Variants in HOXB2 observed in about 807,000 individuals in gnomAD.
The protein encoded by HOXB2 is homeobox B2, also known as homeobox protein Hox-B2.
Under a neutral mutation model 13.1 loss-of-function variants are expected in HOXB2, and 14 were observed. That is an observed-to-expected ratio of 1.07 (90% confidence interval 0.71 to 1.67). HOXB2 has a LOEUF of 1.67. Ranked by LOEUF, HOXB2 falls within the 40% of genes most tolerant of loss-of-function variation. The pLI is 0.00. For synonymous variants in HOXB2, 261 were observed against 233.1 expected (o/e 1.12, Z -1.09); for missense variants, 582 against 488.3 (o/e 1.19, Z -1.81).
rs1023585957 is a variant in HOXB2 at position 48,543,287 on chromosome 17, C to T, written c.852G>A (p.Gly284=). 6.2e-7 allele frequency: 1 copy of T among 1,602,674 alleles called. No individual in the cohort carries two copies. Among genetic ancestry groups the T allele is most frequent in the Non-Finnish European group, 8.5e-7 (1 of 1,178,178 alleles). Residue 284 remains glycine, a synonymous_variant, in exon 2 of 2, where the codon GGG becomes GGA. Coordinates refer to ENST00000330070, the MANE Select transcript of HOXB2 (RefSeq NM_002145.4). ...SPGCALRGAG[G]LEPGPLPEDV... ...CTTCTGGCAATGGCCCGGGCTCCAG[C>T]CCGCCGGCCCCGCGCAGCGCGCAGC... is the stretch of plus-strand genomic sequence containing the variant.
Position 48,544,916 on chromosome 17 carries a change from T to C in HOXB2, c.-5A>G, listed in dbSNP as rs1268172314. 7.2e-7 allele frequency: 1 copy of C among 1,380,502 alleles called. No individual in the cohort carries two copies. The highest frequency in any genetic ancestry group is 1.8e-5 in the Admixed American group (1 of 54,544). The allele number at this position is 1,380,502 out of a possible 1,614,324, so 85.5% of individuals were successfully genotyped here. A position where few individuals can be genotyped will look rare whatever the true frequency, so the allele number is the denominator to read the frequency against. On this transcript the variant is annotated 5_prime_UTR_variant, in exon 1 of 2. Transcript: ENST00000330070. The stretch of plus-strand genomic sequence containing the variant: ...CCTCTCAAATTCAAAATTCATGGCT[T>C]TCAATGGTGGGGGAGGGGGCTGCTG...
chr17:48,543,129 GAA>G lies in HOXB2; in HGVS notation c.1008_1009del (p.Ser337ArgfsTer63). On this transcript the variant is annotated frameshift_variant, in exon 2 of 2. Transcript: ENST00000330070. LOFTEE classifies it high-confidence loss of function. The stretch of plus-strand genomic sequence containing the variant: ...GGTGAAAAAATCCAGCTCTTCCTCG[GAA>G]AAAGGGACCGGGCTGTCGAGAGAAC... 1 of 1,613,102 alleles carries G rather than the reference GAA, an allele frequency of 6.2e-7. No homozygotes were observed. The highest frequency in any genetic ancestry group is 8.5e-7 in the Non-Finnish European group (1 of 1,179,756).
At chr17:48,544,121 T>C in intron 1 of HOXB2, 1 of 985,292 alleles carries the variant, frequency 1.0e-6, no homozygotes, top group Non-Finnish European at 1.2e-6. Context: ...TCTTCCTCCC[T>C]AGCTCTGAAT....
At chr17:48,543,872 A>G in intron 1 of HOXB2, 125 bp from the exon 2 acceptor site, 2 of 494,400 alleles carry the variant, frequency 4.0e-6, no homozygotes, top group Non-Finnish European at 6.3e-6. Context: ...CCCCGCCCCC[A>G]CCCCAAAGCC....
intron 1 of HOXB2, chr17:48,544,188 G>T: frequency 4.1e-6 from 4 of 985,312 alleles, no homozygotes; most frequent in Non-Finnish European, 4.8e-6. Flanking sequence ...TGCTTCTAGG[G>T]TCTATCCCAG....
At chr17:48,544,141 T>A in intron 1 of HOXB2, 1 of 985,278 alleles carries the variant, frequency 1.0e-6, no homozygotes, top group Non-Finnish European at 1.2e-6. Flanking sequence ...TTCTTCCTCT[T>A]CTCCTAGAGT....
At position 48,543,452 on chromosome 17, in the gene HOXB2, C is replaced by A. The variant is rs2068525807; in HGVS notation, c.687G>T (p.Ala229=). ...AGGCGGAGGGGCCGCCCGGGCTGGC[C>A]GCGGGTTCCTCGGCAGGGTCGCAGA... ...EDICDPAEEP[A]ASPGGPSASR... is the part of the protein sequence containing the mutation. Residue 229 remains alanine (A), a synonymous_variant, in exon 2 of 2, where the codon GCG becomes GCT. Coordinates refer to ENST00000330070, the MANE Select transcript of HOXB2 (RefSeq NM_002145.4). 1.2e-6 allele frequency: 2 copies of A among 1,604,876 alleles called. No individual in the cohort carries two copies. Among genetic ancestry groups the A allele is most frequent in the African/African-American group, 1.3e-5 (1 of 74,556 alleles).
chr17:48,543,855 A>T, intron 1 of HOXB2, 108 bp from the exon 2 acceptor site: 1 of 604,988 alleles, frequency 1.7e-6, no homozygotes, highest in Non-Finnish European at 2.6e-6. Context: ...CTTCCTCGCC[A>T]CCCCACCCCC....
Position 48,544,854 on chromosome 17 carries a change from C to G in HOXB2, c.58G>C (p.Glu20Gln). The G allele has an allele frequency of 6.2e-7, 1 of 1,608,822 alleles. No individual in the cohort carries two copies. Among genetic ancestry groups the G allele is most frequent in the Non-Finnish European group, 8.5e-7 (1 of 1,178,236 alleles). The change falls in exon 1 of 2, where the codon GAG becomes CAG. Residue 20 changes from glutamate (E) to glutamine (Q), a missense_variant. Glu to Gln is a conservative substitution (Grantham distance 29, BLOSUM62 2). Transcript: ENST00000330070. ...ACAGCGGGGAAGGAAGTCAGACACT[C>G]GGCGAGCGACGGCTGGCTGTTTATA... Reference protein sequence around the residue: ...GFINSQPSLAECLTSFPAVLE... With the variant: ...GFINSQPSLAQCLTSFPAVLE...
chr17:48,544,986 A>G lies in HOXB2; in HGVS notation c.-75T>C. On this transcript the variant is annotated 5_prime_UTR_variant, in exon 1 of 2. Coordinates refer to ENST00000330070, the MANE Select transcript of HOXB2 (RefSeq NM_002145.4). ...GGATCGGAAGGGACCCCCCTCCTGC[A>G]CCCCCCCCGATTTATGTAATGGAGC... 1 of 1,130,910 alleles carries G rather than the reference A, an allele frequency of 8.8e-7. No individual in the cohort carries two copies. Among genetic ancestry groups the G allele is most frequent in the South Asian group, 1.8e-5 (1 of 54,766 alleles). 70.1% of individuals were successfully genotyped at this position (1,130,910 alleles called of 1,614,324 possible). A position where few individuals can be genotyped will look rare whatever the true frequency, so the allele number is the denominator to read the frequency against.
Position 48,543,074 on chromosome 17 carries a change from A to T in HOXB2, c.1065T>A (p.Phe355Leu), listed in dbSNP as rs2144702976. 6.3e-7 allele frequency: 1 copy of T among 1,594,110 alleles called. No individual in the cohort carries two copies. Among genetic ancestry groups the T allele is most frequent in the Non-Finnish European group, 8.5e-7 (1 of 1,171,156 alleles). The change falls in exon 2 of 2, where the codon TTT becomes TTA. Residue 355 changes from phenylalanine to leucine, a missense_variant. Coordinates refer to ENST00000330070, the MANE Select transcript of HOXB2 (RefSeq NM_002145.4). ...TSTLCAIDLQ[F>L]P ...ACCGGGAGGAGGAAACAGGTTAGGG[A>T]AACTGCAGGTCGATGGCACAGAGCG...
rs778026740 is a variant in HOXB2 at position 48,543,463 on chromosome 17, C to A, written c.676G>T (p.Glu226Ter). 8 of 1,608,892 alleles carry A rather than the reference C, an allele frequency of 5.0e-6. No individual in the cohort carries two copies. The South Asian group carries it at 7.7e-5, about 15-fold the overall frequency. Residue 226 changes from glutamate (E) to a stop codon, truncating the protein, a stop_gained, in exon 2 of 2, where the codon GAG (glutamate) becomes TAG (stop). Coordinates refer to ENST00000330070, the MANE Select transcript of HOXB2 (RefSeq NM_002145.4). LOFTEE classifies it low-confidence loss of function (END_TRUNC). The part of the protein sequence containing the change: ...GALEDICDPA[E>*]EPAASPGGPS... ...CCGCCCGGGCTGGCCGCGGGTTCCTCGGCAGGGTCGCAGATGTCCTCCAGG... is the reference window on the plus strand; with the variant it reads ...CCGCCCGGGCTGGCCGCGGGTTCCTAGGCAGGGTCGCAGATGTCCTCCAGG...
In HOXB2 at chr17:48,543,635, C is replaced by G. The variant is rs932149357; in HGVS notation, c.504G>C (p.Leu168=). 6.2e-7 allele frequency: 1 copy of G among 1,613,576 alleles called. No homozygotes were observed. The highest frequency in any genetic ancestry group is 1.7e-5 in the Admixed American group (1 of 60,012). The change falls in exon 2 of 2, where the codon CTG becomes CTC. Residue 168 remains leucine, a synonymous_variant. Coordinates refer to ENST00000330070, the MANE Select transcript of HOXB2 (RefSeq NM_002145.4). ...CGATCTCGACGCGGCGTGGCCGGCA[C>G]AGGTACTTATTAAAGTGGAATTCCT... ...LEKEFHFNKY[L]CRPRRVEIAA...
Position 48,544,927 on chromosome 17 carries a change from GGGAGGGGGCTGCTGGGGGGGGCGTCA to G in HOXB2, c.-42_-17del. ...CAAAATTCATGGCTTTCAATGGTGG[GGGAGGGGGCTGCTGGGGGGGGCGTCA>G]GGAGGGAGGATCGGAAGGGACCCCC... On this transcript the variant is annotated 5_prime_UTR_variant, in exon 1 of 2. Transcript: ENST00000330070. The G allele has an allele frequency of 6.5e-7, 1 of 1,534,786 alleles. No homozygotes were observed. Among genetic ancestry groups the G allele is most frequent in the Non-Finnish European group, 8.9e-7 (1 of 1,127,640 alleles).
chr17:48,544,017 T>G, intron 1 of HOXB2: 2 of 1,248,188 alleles, frequency 1.6e-6, no homozygotes, highest in Non-Finnish European at 2.0e-6. Flanking sequence ...CGCCGGAACC[T>G]CAGATCCCCC....
rs1250356919 is a variant in HOXB2, at chr17:48,543,144, C to T, written c.995G>A (p.Ser332Asn). 6.2e-7 allele frequency: 1 copy of T among 1,613,458 alleles called. No homozygotes were observed. Among genetic ancestry groups the T allele is most frequent in the Non-Finnish European group, 8.5e-7 (1 of 1,179,918 alleles). Residue 332 changes from serine to asparagine, a missense_variant, in exon 2 of 2, where the codon AGC (serine) becomes AAC (asparagine). Physicochemically the swap from Ser to Asn is conservative, Grantham distance 46. Coordinates refer to ENST00000330070, the MANE Select transcript of HOXB2 (RefSeq NM_002145.4). ...CTCTTCCTCGGAAAAAGGGACCGGG[C>T]TGTCGAGAGAACCCTGTAGGCTAGG... ...LSPSLQGSLDSPVPFSEEELD... is the reference protein window; with the variant it reads ...LSPSLQGSLDNPVPFSEEELD...
intron 1 of HOXB2, chr17:48,544,073 C>T: frequency 3.0e-6 from 3 of 985,336 alleles, no homozygotes; most frequent in East Asian, 1.1e-4. Flanking sequence ...CTTTCCAACT[C>T]AACCGGAGCG....
At position 48,544,935 on chromosome 17, in the gene HOXB2, G is replaced by GT; in HGVS notation, c.-25_-24insA. ...ATGGCTTTCAATGGTGGGGGAGGGG[G>GT]CTGCTGGGGGGGGCGTCAGGAGGGA... On this transcript the variant is annotated 5_prime_UTR_variant, in exon 1 of 2. Coordinates refer to ENST00000330070, the MANE Select transcript of HOXB2 (RefSeq NM_002145.4). The GT allele has an allele frequency of 7.9e-7, 1 of 1,261,540 alleles. No individual in the cohort carries two copies. The highest frequency in any genetic ancestry group is 2.2e-5 in the Admixed American group (1 of 46,280). 78.1% of individuals were successfully genotyped at this position (1,261,540 alleles called of 1,614,324 possible).
In HOXB2 at chr17:48,544,855, G is replaced by A. The variant is rs539116787; in HGVS notation, c.57C>T (p.Ala19=). 1 of 1,613,630 alleles carries A rather than the reference G, an allele frequency of 6.2e-7. No homozygotes were observed. Among genetic ancestry groups the A allele is most frequent in the Non-Finnish European group, 8.5e-7 (1 of 1,179,902 alleles). Residue 19 remains alanine (A), a synonymous_variant, in exon 1 of 2, where the codon GCC becomes GCT. Transcript: ENST00000330070. ...IGFINSQPSL[A]ECLTSFPAVL... ...CAGCGGGGAAGGAAGTCAGACACTC[G>A]GCGAGCGACGGCTGGCTGTTTATAA...
Sources: allele counts gnomAD v4.1 joint callset, GRCh38; gene constraint gnomAD v4.1.1; transcripts MANE v1.5; gene names NCBI Gene and HGNC (gene_info 2026-07-23, HGNC 2026-07-21).